Variants in TRPM6 observed in about 807,000 individuals in gnomAD.
TRPM6 encodes channel kinase 2.
TRPM6 carries 111 observed loss-of-function variants against 247.6 expected under a neutral mutation model. The observed-to-expected ratio is 0.45, with a 90% CI of 0.38 to 0.52. The LOEUF (loss-of-function observed/expected upper bound fraction) is 0.52, where lower values mean the gene tolerates loss of function less well. Ranked by LOEUF, TRPM6 falls within the 20% of genes least tolerant of loss-of-function variation. The pLI is 0.00. For synonymous variants in TRPM6, 892 were observed against 853.8 expected, an observed-to-expected ratio of 1.04 and a Z score of -0.78; for missense variants, 2,126 against 2,421.5, an observed-to-expected ratio of 0.88 and a Z score of 2.56.
chr9:74,730,052 T>C (rs1410364989), intron 37 of TRPM6, among the ~76,000 whole-genome samples: 1 of 152,198 alleles, frequency 6.6e-6, no homozygotes, highest in East Asian at 1.9e-4. Context: ...TGTAAGGAAA[T>C]TCATTTGCAT....
chr9:74,816,722 C>G lies in TRPM6; in HGVS notation c.1255G>C (p.Asp419His). The change falls in exon 11 of 39, where the codon GAC becomes CAC. Residue 419 changes from aspartate to histidine, a missense_variant. Asp to His is a moderately conservative substitution (Grantham distance 81). This residue lies in a region of TRPM6 where 1,082 missense variants were observed against 1,307.9 expected (regional missense o/e 0.83). Transcript: ENST00000360774. ...SEQLNLAMAW[D>H]RVDIAKKHIL... ...TGTTTCTTGGCAATGTCCACCCTGT[C>G]CCAAGCCATTGCCAGATTTAATTGC... The G allele has an allele frequency of 6.2e-7, 1 of 1,614,142 alleles. No homozygotes were observed. The highest frequency in any genetic ancestry group is 8.5e-7 in the Non-Finnish European group (1 of 1,180,036).
At chr9:74,783,610 A>G (rs1446349305) in intron 21 of TRPM6, among the ~76,000 whole-genome samples, 1 of 152,228 alleles carries the variant, frequency 6.6e-6, no homozygotes. Context: ...CACTGCATAG[A>G]GGACAGCCCC....
chr9:74,855,585 C>T lies in TRPM6; in HGVS notation c.114-20G>A. On this transcript the variant is annotated intron_variant, in intron 2 of 38. Coordinates refer to ENST00000360774, the MANE Select transcript of TRPM6 (RefSeq NM_017662.5). ...GTACATCTAAATTAAAGAAATAAAA[C>T]CTCTGTTAGTTTGTTGGTGTATCTG... The T allele has an allele frequency of 6.4e-7, 1 of 1,555,762 alleles. No homozygotes were observed. Among genetic ancestry groups the T allele is most frequent in the East Asian group, 2.2e-5 (1 of 44,516 alleles).
intron 5 of TRPM6, among the ~76,000 whole-genome samples, chr9:74,838,843 C>A (rs1829816732): frequency 6.6e-6 from 1 of 152,016 alleles, no homozygotes; most frequent in Non-Finnish European, 1.5e-5. Flanking sequence ...GACATGGTGG[C>A]TCACGCCTGT....
chr9:74,750,348 A>C (rs542747079), intron 30 of TRPM6, among the ~76,000 whole-genome samples: 1 of 152,260 alleles, frequency 6.6e-6, no homozygotes, highest in East Asian at 1.9e-4. Context: ...ATGCAAATTC[A>C]CAATCTTATC....
At chr9:74,745,351 T>C (rs1826004428) in intron 31 of TRPM6, among the ~76,000 whole-genome samples, 1 of 152,234 alleles carries the variant, frequency 6.6e-6, no homozygotes, top group Non-Finnish European at 1.5e-5. Flanking sequence ...CACTGGTCTA[T>C]GCTCAAGAGG....
chr9:74,773,382 A>G lies in TRPM6; in HGVS notation c.3404-1547T>C, dbSNP rs927742458. On this transcript the variant is annotated intron_variant, in intron 24 of 38. Coordinates refer to ENST00000360774, the MANE Select transcript of TRPM6 (RefSeq NM_017662.5). ...TTGTGCATACTAAATCCTTCTACTG[A>G]AGAATGAGATGTTATTATTACCATT... is the stretch of plus-strand genomic sequence containing the variant. Among the ~76,000 whole-genome samples the G allele has an allele frequency of 2.6e-4, 40 of 152,234 alleles. 2 individuals are homozygous for G. The highest frequency in any genetic ancestry group is 2.3e-3 in the Admixed American group (35 of 15,286).
chr9:74,845,341 T>C (rs1830075682), intron 3 of TRPM6, among the ~76,000 whole-genome samples: 1 of 152,110 alleles, frequency 6.6e-6, no homozygotes, highest in South Asian at 2.1e-4. Flanking sequence ...CATACTCATG[T>C]TCATAGCAGC....
intron 1 of TRPM6, among the ~76,000 whole-genome samples, chr9:74,882,637 G>A (rs912533931): frequency 2.0e-5 from 3 of 152,146 alleles, no homozygotes; most frequent in Non-Finnish European, 4.4e-5. Flanking sequence ...TGCAGAGAAA[G>A]GAGACCCTCA....
At chr9:74,882,018 ACTC>A in intron 1 of TRPM6, among the ~76,000 whole-genome samples, 1 of 152,136 alleles carries the variant, frequency 6.6e-6, no homozygotes, top group East Asian at 1.9e-4. Flanking sequence ...ATGAAACTGA[ACTC>A]CTATCTCTCA....
intron 38 of TRPM6, among the ~76,000 whole-genome samples, chr9:74,727,933 C>T (rs555961821): frequency 2.0e-5 from 3 of 151,998 alleles, no homozygotes; most frequent in East Asian, 1.9e-4. Context: ...GGGGGTGGGG[C>T]GGGGGCAAAG....
At chr9:74,833,862 G>T in intron 6 of TRPM6, 136 bp downstream of exon 6, 1 of 1,167,350 alleles carries the variant, frequency 8.6e-7, no homozygotes, top group Non-Finnish European at 1.2e-6. Context: ...GGTGAGGGAA[G>T]CAGCAGAAAG....
Position 74,724,553 on chromosome 9 carries a change from T to C in TRPM6, c.*60A>G. The C allele has an allele frequency of 1.9e-6, 3 of 1,612,478 alleles. No homozygotes were observed. The highest frequency in any genetic ancestry group is 1.1e-5 in the South Asian group (1 of 91,020). ...AATCAACATCACGTTGATCAATCTA[T>C]GTTATCACAGAGTTCCTGGCAGGCA... On this transcript the variant is annotated 3_prime_UTR_variant, in exon 39 of 39. Transcript: ENST00000360774.
At chr9:74,788,128 T>C (rs1201722823) in intron 20 of TRPM6, among the ~76,000 whole-genome samples, 1 of 152,152 alleles carries the variant, frequency 6.6e-6, no homozygotes, top group Admixed American at 6.5e-5. Flanking sequence ...ATTTTCAAAG[T>C]GTTTGGTAGG....
chr9:74,725,157 C>A (rs1825273524), intron 38 of TRPM6, among the ~76,000 whole-genome samples: 1 of 152,166 alleles, frequency 6.6e-6, no homozygotes, highest in Admixed American at 6.5e-5. Context: ...AAAAGCTCCA[C>A]CTCAGGTTTG....
rs115354606 is a variant in TRPM6 at position 74,803,886 on chromosome 9, G to A, written c.1639C>T (p.His547Tyr). 5.4e-3 allele frequency: 8,599 copies of A among 1,607,032 alleles called. 348 individuals carry two copies. In the African/African-American group the frequency reaches 0.095, roughly 18 times the overall value. ...CTATTTCCTGAGGAGTGTCTCTGGT[G>A]CTGGGAAAGGTTTTGAACAAAGCTG... Reference protein sequence around the residue: ...LYNNLYRKYKHQRHSSGNRNE... With the variant: ...LYNNLYRKYKYQRHSSGNRNE... The change falls in exon 15 of 39, where the codon CAC becomes TAC. Residue 547 changes from histidine (H) to tyrosine (Y), a missense_variant and splice_region_variant. Around this residue, in one of 3 missense-constraint regions of TRPM6, gnomAD observed 1,082 missense variants for 1,307.9 expected, o/e 0.83. Coordinates refer to ENST00000360774, the MANE Select transcript of TRPM6 (RefSeq NM_017662.5).
Position 74,802,003 on chromosome 9 carries a change from G to A in TRPM6, c.1904C>T (p.Thr635Met), listed in dbSNP as rs573826879. The A allele has an allele frequency of 3.0e-5, 48 of 1,614,150 alleles. No homozygotes were observed. The highest frequency in any genetic ancestry group is 1.6e-4 in the Middle Eastern group (1 of 6,062). ...GATACACGCAATCACGGCTTTAACC[G>A]TGGCCTCCTCTCCATGCTGCCAGAA... ...MFFWQHGEEA[T>M]VKAVIACILY... is the part of the protein sequence containing the mutation. Residue 635 changes from threonine (T) to methionine (M), a missense_variant, in exon 16 of 39, where the codon ACG becomes ATG. Physicochemically the swap from Thr to Met is moderately conservative, Grantham distance 81 (BLOSUM62 -1). Coordinates refer to ENST00000360774, the MANE Select transcript of TRPM6 (RefSeq NM_017662.5).
At chr9:74,799,236 G>C (rs1828213844) in intron 17 of TRPM6, among the ~76,000 whole-genome samples, 1 of 152,060 alleles carries the variant, frequency 6.6e-6, no homozygotes, top group African/African-American at 2.4e-5. Context: ...ATATTTTTAA[G>C]AACTCTAGGA....
chr9:74,869,453 C>CA (rs775850642), intron 1 of TRPM6, among the ~76,000 whole-genome samples: 1,428 of 76,578 alleles, frequency 0.019, 21 homozygotes, highest in African/African-American at 0.059. Context: ...GACTCCATCT[C>CA]AAAAAAAAAA....
Sources: gnomAD v4.1 joint callset for allele counts (sites outside exome capture counted in the v4.1 genomes callset) on GRCh38, gnomAD v4.1.1 for gene constraint, gnomAD v4.1.1 regional missense constraint, MANE v1.5 for transcripts, NCBI Gene and HGNC (gene_info 2026-07-23, HGNC 2026-07-21) for gene names.